Variants in NDNF observed in about 807,000 individuals in gnomAD.
NDNF encodes the protein neuron derived neurotrophic factor.
Under a neutral mutation model 42.0 loss-of-function variants are expected in NDNF, and 16 were observed. The observed-to-expected ratio is 0.38, with a 90% CI of 0.26 to 0.58. The LOEUF (loss-of-function observed/expected upper bound fraction) is 0.58. NDNF is among the 20% of genes least tolerant of loss of function. NDNF has a pLI of 0.67. For missense variants in NDNF, 616 were observed against 666.2 expected (o/e 0.92, Z 0.83); for synonymous variants, 248 against 251.7 (o/e 0.99, Z 0.14).
At chr4:121,058,971 T>G (rs1028096151) in intron 1 of NDNF, among the ~76,000 whole-genome samples, 2 of 151,712 alleles carry the variant, frequency 1.3e-5, no homozygotes, top group Non-Finnish European at 1.5e-5. Context: ...TCTACCACAC[T>G]CATTTCCTAC....
At chr4:121,047,923 T>C (rs1169499125) in intron 1 of NDNF, among the ~76,000 whole-genome samples, 1 of 152,210 alleles carries the variant, frequency 6.6e-6, no homozygotes, top group Non-Finnish European at 1.5e-5. Flanking sequence ...ACAAGGGCTA[T>C]GTCTGCAAAA....
At chr4:121,051,642 T>A (rs1204885142) in intron 1 of NDNF, among the ~76,000 whole-genome samples, 1 of 152,194 alleles carries the variant, frequency 6.6e-6, no homozygotes, top group Non-Finnish European at 1.5e-5. Context: ...GCTGTCATTT[T>A]GCAAAATTTA....
Position 121,039,960 on chromosome 4 carries a change from G to C in NDNF, c.283C>G (p.Leu95Val). Residue 95 changes from leucine (L) to valine (V), a missense_variant, in exon 3 of 4, where the codon CTG (leucine) becomes GTG (valine). Coordinates refer to ENST00000379692, the MANE Select transcript of NDNF (RefSeq NM_024574.4). ...CCTTCCCCGCTCCTGTCCTCTGGCA[G>C]CTCCTGGAGGCTCAGCTTCCACTCC... is the stretch of plus-strand genomic sequence containing the variant. ...PLEWKLSLQE[L>V]PEDRSGEGSG... 1 of 1,614,012 alleles carries C rather than the reference G, an allele frequency of 6.2e-7. No individual in the cohort carries two copies.
At chr4:121,052,250 T>C (rs1342205039) in intron 1 of NDNF, among the ~76,000 whole-genome samples, 1 of 152,194 alleles carries the variant, frequency 6.6e-6, no homozygotes, top group Admixed American at 6.5e-5. Context: ...AAAAAATATA[T>C]AGTATCACTG....
intron 1 of NDNF, among the ~76,000 whole-genome samples, chr4:121,057,335 T>G (rs1422405361): frequency 6.6e-6 from 1 of 152,118 alleles, no homozygotes; most frequent in Non-Finnish European, 1.5e-5. Flanking sequence ...GAAGGGACTT[T>G]TAACAGATGA....
At position 121,037,426 on chromosome 4, in the gene NDNF, A is replaced by G. The variant is rs1305293911; in HGVS notation, c.545T>C (p.Val182Ala). Residue 182 changes from valine (V) to alanine (A), a missense_variant, in exon 4 of 4, where the codon GTA becomes GCA. Coordinates refer to ENST00000379692, the MANE Select transcript of NDNF (RefSeq NM_024574.4). Reference sequence around the variant, plus strand: ...GGTGCGCCCCAGTGAGGTCACATCTACTCTTGGGTCATAGGGTAACTCAGG... The same window carrying G: ...GGTGCGCCCCAGTGAGGTCACATCTGCTCTTGGGTCATAGGGTAACTCAGG... ...PYPELPYDPR[V>A]DVTSLGRTTV... The G allele has an allele frequency of 6.2e-7, 1 of 1,613,836 alleles. No homozygotes were observed. The highest frequency in any genetic ancestry group is 8.5e-7 in the Non-Finnish European group (1 of 1,179,964).
chr4:121,068,430 G>A (rs1727535963), intron 1 of NDNF, among the ~76,000 whole-genome samples: 1 of 152,144 alleles, frequency 6.6e-6, no homozygotes, highest in African/African-American at 2.4e-5. Flanking sequence ...TCTATTAAAT[G>A]ATTATGAGCC....
intron 1 of NDNF, among the ~76,000 whole-genome samples, chr4:121,058,515 A>C (rs1473051392): frequency 6.6e-6 from 1 of 152,138 alleles, no homozygotes; most frequent in African/African-American, 2.4e-5. Flanking sequence ...CTCGGTTTCC[A>C]TGTTTGTTGA....
chr4:121,059,947 C>T (rs1049359871), intron 1 of NDNF, among the ~76,000 whole-genome samples: 2 of 152,028 alleles, frequency 1.3e-5, no homozygotes, highest in Non-Finnish European at 2.9e-5. Flanking sequence ...TTTTGAAACT[C>T]CCAAACTATG....
chr4:121,072,534 G>T lies in NDNF; in HGVS notation c.-543C>A, dbSNP rs1727628862. The T allele has an allele frequency of 1.3e-5, 2 of 151,550 alleles. No homozygotes were observed. The highest frequency in any genetic ancestry group is 4.8e-5 in the African/African-American group (2 of 41,386). 9.4% of individuals were successfully genotyped at this position (151,550 alleles called of 1,614,324 possible). A position where few individuals can be genotyped will look rare whatever the true frequency, so the allele number is the denominator to read the frequency against. On this transcript the variant is annotated 5_prime_UTR_variant, in exon 1 of 4. Coordinates refer to ENST00000379692, the MANE Select transcript of NDNF (RefSeq NM_024574.4). ...TCTCTCGCGGCTGGAAGTGGGGAGT[G>T]TGTGTTCGCTCCCGAGTGTCACTGC... is the stretch of plus-strand genomic sequence containing the variant.
chr4:121,052,320 C>A (rs1579316107), intron 1 of NDNF, among the ~76,000 whole-genome samples: 2 of 152,172 alleles, frequency 1.3e-5, no homozygotes. Context: ...AGTTGAAATA[C>A]ATTTACAATG....
At chr4:121,062,304 G>A (rs1264345964) in intron 1 of NDNF, among the ~76,000 whole-genome samples, 1 of 152,164 alleles carries the variant, frequency 6.6e-6, no homozygotes, top group African/African-American at 2.4e-5. Context: ...CATCAACATT[G>A]TTTAATAAAC....
At chr4:121,039,190 G>GTATATATATATA (rs1485229200) in intron 3 of NDNF, among the ~76,000 whole-genome samples, 1 of 68,030 alleles carries the variant, frequency 1.5e-5, no homozygotes, top group African/African-American at 7.8e-5. Context: ...GTGTGTGTGT[G>GTATATATATATA]TGTATATATA....
chr4:121,062,406 A>G (rs1426973063), intron 1 of NDNF, among the ~76,000 whole-genome samples: 1 of 152,226 alleles, frequency 6.6e-6, no homozygotes, highest in African/African-American at 2.4e-5. Flanking sequence ...TGTTGAGATC[A>G]GAGCACTGAG....
At chr4:121,045,986 G>A in intron 1 of NDNF, 148 bp from the exon 2 acceptor site, 1 of 539,892 alleles carries the variant, frequency 1.9e-6, no homozygotes, top group Admixed American at 3.7e-5. Context: ...TGATCTTCAA[G>A]GCAACTTTAC....
chr4:121,070,099 G>A (rs962582669), intron 1 of NDNF, among the ~76,000 whole-genome samples: 1 of 152,158 alleles, frequency 6.6e-6, no homozygotes. Context: ...AATGACTGAA[G>A]AATTAATACG....
chr4:121,043,269 G>GT (rs1363138104), intron 2 of NDNF, among the ~76,000 whole-genome samples: 1 of 152,150 alleles, frequency 6.6e-6, no homozygotes, highest in Non-Finnish European at 1.5e-5. Context: ...ATGTATAAAC[G>GT]TAAGAATAAT....
intron 2 of NDNF, among the ~76,000 whole-genome samples, chr4:121,043,100 T>A (rs894564440): frequency 6.6e-6 from 1 of 151,902 alleles, no homozygotes; most frequent in Non-Finnish European, 1.5e-5. Flanking sequence ...TAGAAGAGAG[T>A]GACAATCAGA....
chr4:121,060,550 T>C (rs1727387037), intron 1 of NDNF, among the ~76,000 whole-genome samples: 2 of 152,134 alleles, frequency 1.3e-5, no homozygotes, highest in Non-Finnish European at 2.9e-5. Context: ...AGCCCACTAA[T>C]GGACCAGTGG....
Sources: allele counts gnomAD v4.1 joint callset (sites outside exome capture counted in the v4.1 genomes callset), GRCh38; gene constraint gnomAD v4.1.1; transcripts MANE v1.5; gene names NCBI Gene and HGNC (gene_info 2026-07-23, HGNC 2026-07-21).